The following ACAD9 variants were observed in gnomAD, a reference collection of about 807,000 sequenced individuals.
ACAD9 encodes acyl-CoA dehydrogenase family member 9, also known as complex I assembly factor ACAD9, mitochondrial.
Under a neutral mutation model 70.2 loss-of-function variants are expected in ACAD9, and 53 were observed. The observed-to-expected ratio is 0.75, with a 90% CI of 0.61 to 0.95. The LOEUF (loss-of-function observed/expected upper bound fraction) is 0.95, where lower values mean the gene tolerates loss of function less well. Ranked by LOEUF, ACAD9 falls within the 40% of genes least tolerant of loss-of-function variation. ACAD9 has a pLI of 0.00. For synonymous variants in ACAD9, 313 were observed against 312.1 expected (o/e 1.00, Z -0.03); for missense variants, 777 against 802.8 (o/e 0.97, Z 0.39).
chr3:128,888,208 C>T (rs1262555451), intron 2 of ACAD9, among the ~76,000 whole-genome samples: 1 of 152,118 alleles, frequency 6.6e-6, no homozygotes, highest in Admixed American at 6.5e-5. Flanking sequence ...GGACTCTGAG[C>T]CAAAACGTTA....
At chr3:128,907,843 C>T (rs1177067161) in intron 12 of ACAD9, among the ~76,000 whole-genome samples, 1 of 152,244 alleles carries the variant, frequency 6.6e-6, no homozygotes. Context: ...GTCTGTCTGG[C>T]ACTGGCTGAG....
intron 17 of ACAD9, 50 bp from the exon 18 acceptor site, chr3:128,912,452 TTTGTC>T (rs1936439992): frequency 2.0e-6 from 3 of 1,530,326 alleles, no homozygotes; most frequent in African/African-American, 2.7e-5. Flanking sequence ...TTCAGCCATG[TTTGTC>T]TTATCACGGT....
intron 4 of ACAD9, among the ~76,000 whole-genome samples, chr3:128,895,899 C>A (rs1456919639): frequency 6.6e-6 from 1 of 152,236 alleles, no homozygotes. Context: ...GAATGCACAC[C>A]ATGCTCGGCT....
chr3:128,881,499 T>C (rs780142337), intron 1 of ACAD9, among the ~76,000 whole-genome samples: 7 of 152,198 alleles, frequency 4.6e-5, no homozygotes, highest in African/African-American at 1.2e-4. Context: ...CTCATTAGAC[T>C]CCAGGTCTTC....
chr3:128,899,522 CGGTGTGTG>C lies in ACAD9; in HGVS notation c.808+62_808+69del, dbSNP rs1221709663. 27 of 1,146,280 alleles carry C rather than the reference CGGTGTGTG, an allele frequency of 2.4e-5. No individual in the cohort carries two copies. In the African/African-American group the frequency reaches 2.8e-4, roughly 12 times the overall value. 71.0% of individuals were successfully genotyped at this position (1,146,280 alleles called of 1,614,324 possible). On this transcript the variant is annotated intron_variant, in intron 7 of 17. Coordinates refer to ENST00000308982, the MANE Select transcript of ACAD9 (RefSeq NM_014049.5). The stretch of plus-strand genomic sequence containing the variant: ...GTGTAAGGGGGAGACTGGCCTTTGA[CGGTGTGTG>C]TGTGTGTGTGTGTGTGTGTGTGTGT...
chr3:128,895,381 G>C lies in ACAD9; in HGVS notation c.418G>C (p.Val140Leu), dbSNP rs752053336. 6.2e-7 allele frequency: 1 copy of C among 1,612,408 alleles called. No homozygotes were observed. The highest frequency in any genetic ancestry group is 1.1e-5 in the South Asian group (1 of 90,542). Reference protein sequence around the residue: ...EIISMDGSITVTLAAHQAIGL... With the variant: ...EIISMDGSITLTLAAHQAIGL... ...CATCAGCATGGATGGGTCCATCACT[G>C]TGACCCTGGCAGCGCACCAGGCTAT... The change falls in exon 4 of 18, where the codon GTG (valine) becomes CTG (leucine). Residue 140 changes from valine to leucine, a missense_variant. Physicochemically the swap from Val to Leu is conservative, Grantham distance 32. Coordinates refer to ENST00000308982, the MANE Select transcript of ACAD9 (RefSeq NM_014049.5).
intron 2 of ACAD9, among the ~76,000 whole-genome samples, 167 bp downstream of exon 2, chr3:128,884,913 C>G (rs1935203023): frequency 6.6e-6 from 1 of 152,200 alleles, no homozygotes; most frequent in African/African-American, 2.4e-5. Context: ...AATTAAAAAA[C>G]ATCCAGTTAA....
intron 7 of ACAD9, among the ~76,000 whole-genome samples, chr3:128,900,815 T>A (rs1405390776): frequency 6.6e-6 from 1 of 151,850 alleles, no homozygotes; most frequent in Non-Finnish European, 1.5e-5. Flanking sequence ...ATTGCAGGGG[T>A]GTGATTGTGT....
rs759464364 is a variant in ACAD9, at chr3:128,908,222, CG to C, written c.1319del (p.Gly440ValfsTer9). On this transcript the variant is annotated frameshift_variant, in exon 13 of 18. Transcript: ENST00000308982. LOFTEE classifies it high-confidence loss of function. ...NEILRMYIAL[T>X]GLQHAGRILT... ...ATTCTCCGGATGTACATCGCCCTGA[CG>C]GGTCTGCAGCATGCCGGCCGCATCC... 6.2e-7 allele frequency: 1 copy of C among 1,614,174 alleles called. No individual in the cohort carries two copies. The highest frequency in any genetic ancestry group is 1.1e-5 in the South Asian group (1 of 91,086).
At chr3:128,895,948 T>C (rs758228462) in intron 4 of ACAD9, among the ~76,000 whole-genome samples, 71 of 152,214 alleles carry the variant, frequency 4.7e-4, no homozygotes, top group Admixed American at 9.2e-4. Flanking sequence ...TGCAGATGTT[T>C]AGTGAAGAGG....
intron 4 of ACAD9, 128 bp downstream of exon 4, chr3:128,895,544 T>G (rs2107650423): frequency 4.7e-6 from 4 of 846,464 alleles, no homozygotes; most frequent in Non-Finnish European, 7.8e-6. Context: ...TGCCCTTCAG[T>G]TCCCTCACTC....
chr3:128,895,276 TG>T (rs757281259), intron 3 of ACAD9, 33 bp from the exon 4 acceptor site: 5 of 1,538,698 alleles, frequency 3.2e-6, no homozygotes, highest in Admixed American at 3.5e-5. Flanking sequence ...AATCTAGGGC[TG>T]GGCTGTGATT....
chr3:128,879,775 G>A lies in ACAD9; in HGVS notation c.84G>A (p.Arg28=). ...TGGTGGTCTCTACCGCGAACCGGCG[G>A]CTACTGCGCACCAGCCCGCCTGTAC... The part of the protein sequence containing the change: ...RGLVVSTANR[R]LLRTSPPVRA... The change falls in exon 1 of 18, where the codon CGG becomes CGA. Residue 28 remains arginine, a synonymous_variant. Transcript: ENST00000308982. The A allele has an allele frequency of 6.2e-7, 1 of 1,613,754 alleles. No individual in the cohort carries two copies. Among genetic ancestry groups the A allele is most frequent in the Non-Finnish European group, 8.5e-7 (1 of 1,180,024 alleles).
At position 128,889,143 on chromosome 3, in the gene ACAD9, TTTTTG is replaced by T. The variant is rs200964088; in HGVS notation, c.245-4397_245-4393del. 5.3e-3 allele frequency among the ~76,000 whole-genome samples: 799 copies of T among 151,914 alleles called. 3 individuals are homozygous for T. The highest frequency in any genetic ancestry group is 0.016 in the African/African-American group (663 of 41,400). On this transcript the variant is annotated intron_variant, in intron 2 of 17. Coordinates refer to ENST00000308982, the MANE Select transcript of ACAD9 (RefSeq NM_014049.5). ...CAGCACAGTAATATGCTGTACAGCT[TTTTTG>T]TTTTGTTTTGTTTTCCTTAAAAAAA... is the stretch of plus-strand genomic sequence containing the variant.
At position 128,910,760 on chromosome 3, in the gene ACAD9, T is replaced by C. The variant is rs1211104198; in HGVS notation, c.1712T>C (p.Phe571Ser). 6.2e-7 allele frequency: 1 copy of C among 1,614,214 alleles called. No individual in the cohort carries two copies. Among genetic ancestry groups the C allele is most frequent in the South Asian group, 1.1e-5 (1 of 91,080 alleles). ...TGGCAGGTTCTCTTGGCCAACACCT[T>C]CTGCGTGGAAGCTTACTTGCAGAAT... Reference protein sequence around the residue: ...HDHEVLLANTFCVEAYLQNLF... With the variant: ...HDHEVLLANTSCVEAYLQNLF... Residue 571 changes from phenylalanine (F) to serine (S), a missense_variant, in exon 17 of 18, where the codon TTC becomes TCC. Coordinates refer to ENST00000308982, the MANE Select transcript of ACAD9 (RefSeq NM_014049.5).
intron 7 of ACAD9, 105 bp from the exon 8 acceptor site, chr3:128,901,171 A>G: frequency 9.6e-7 from 1 of 1,046,444 alleles, no homozygotes; most frequent in South Asian, 1.5e-5. Context: ...CCTACCAAAC[A>G]TTGGATGGAT....
Position 128,895,370 on chromosome 3 carries a change from G to C in ACAD9, c.407G>C (p.Gly136Ala), listed in dbSNP as rs754503262. Residue 136 changes from glycine to alanine, a missense_variant, in exon 4 of 18, where the codon GGG becomes GCG. Transcript: ENST00000308982. ...SRLGEIISMD[G>A]SITVTLAAHQ... ...CTAGGGGAGATCATCAGCATGGATG[G>C]GTCCATCACTGTGACCCTGGCAGCG... is the stretch of plus-strand genomic sequence containing the variant. 1 of 1,612,802 alleles carries C rather than the reference G, an allele frequency of 6.2e-7. No individual in the cohort carries two copies. Among genetic ancestry groups the C allele is most frequent in the Non-Finnish European group, 8.5e-7 (1 of 1,179,462 alleles).
At position 128,879,660 on chromosome 3, in the gene ACAD9, A is replaced by G. The variant is rs1229325279; in HGVS notation, c.-32A>G. ...GTCCCTGCGGCGCTAAGAAGGGGAG[A>G]CTGAGGCTGAGGCTGGGGAACATCG... On this transcript the variant is annotated 5_prime_UTR_variant, in exon 1 of 18. Transcript: ENST00000308982. 1.9e-6 allele frequency: 3 copies of G among 1,610,944 alleles called. No homozygotes were observed. Among genetic ancestry groups the G allele is most frequent in the Non-Finnish European group, 2.5e-6 (3 of 1,179,368 alleles).
At chr3:128,892,106 G>A (rs1053535029) in intron 2 of ACAD9, among the ~76,000 whole-genome samples, 3 of 152,220 alleles carry the variant, frequency 2.0e-5, no homozygotes, top group Non-Finnish European at 4.4e-5. Flanking sequence ...TACAGACAAA[G>A]ATTTGTGGTT....
Sources: allele counts gnomAD v4.1 joint callset (sites outside exome capture counted in the v4.1 genomes callset), GRCh38; gene constraint gnomAD v4.1.1; transcripts MANE v1.5; gene names NCBI Gene and HGNC (gene_info 2026-07-23, HGNC 2026-07-21).